PTPRD: variants seen among roughly 807,000 people sequenced by gnomAD.
PTPRD encodes protein tyrosine phosphatase receptor type D, also known as receptor-type tyrosine-protein phosphatase delta.
In PTPRD, 34 loss-of-function variants were observed where a neutral mutation model predicts 214.5. That is an observed-to-expected ratio of 0.16 (90% confidence interval 0.12 to 0.21). The LOEUF (loss-of-function observed/expected upper bound fraction) is 0.21, where lower values mean the gene tolerates loss of function less well. Among genes scored for constraint, PTPRD ranks in the 10% least tolerant of loss-of-function variants. The pLI, the probability that PTPRD is intolerant of heterozygous loss-of-function variation, is 1.00. For missense variants in PTPRD, 2,545 were observed against 2,398.7 expected (o/e 1.06, Z -1.27); for synonymous variants, 1,128 against 845.7 (o/e 1.33, Z -5.79).
intron 3 of PTPRD, among the ~76,000 whole-genome samples, chr9:10,069,165 C>A (rs1275254451): frequency 6.6e-6 from 1 of 152,094 alleles, no homozygotes; most frequent in African/African-American, 2.4e-5. Context: ...TTCCATCTAT[C>A]TGACAGGGAA....
chr9:10,032,176 T>A (rs2097094019), intron 4 of PTPRD, among the ~76,000 whole-genome samples: 1 of 152,156 alleles, frequency 6.6e-6, no homozygotes, highest in Non-Finnish European at 1.5e-5. Flanking sequence ...TTTTATAGAA[T>A]TGGTGGTTCA....
chr9:9,718,687 C>G (rs1043087828), intron 7 of PTPRD, among the ~76,000 whole-genome samples: 2 of 152,226 alleles, frequency 1.3e-5, no homozygotes, highest in Admixed American at 1.3e-4. Flanking sequence ...AATAGCTAAG[C>G]CCAGGTGCTG....
intron 5 of PTPRD, among the ~76,000 whole-genome samples, chr9:9,791,905 T>C (rs2098970144): frequency 6.6e-6 from 1 of 152,186 alleles, no homozygotes. Flanking sequence ...TATTTTAAAA[T>C]GCATCTTGAT....
chr9:8,772,361 T>G (rs1431494455), intron 11 of PTPRD, among the ~76,000 whole-genome samples: 1 of 146,724 alleles, frequency 6.8e-6, no homozygotes, highest in Non-Finnish European at 1.5e-5. Context: ...TGTCACTACT[T>G]ACTTTTTAAA....
At chr9:10,502,710 T>G (rs2044189073) in intron 2 of PTPRD, among the ~76,000 whole-genome samples, 1 of 152,084 alleles carries the variant, frequency 6.6e-6, no homozygotes, top group South Asian at 2.1e-4. Flanking sequence ...ATGTAAGCAT[T>G]TCAAAAATGT....
chr9:9,512,805 G>A (rs761303797), intron 8 of PTPRD, among the ~76,000 whole-genome samples: 1 of 150,612 alleles, frequency 6.6e-6, no homozygotes, highest in African/African-American at 2.4e-5. Context: ...TTAAACTTGG[G>A]TTTCTGGGCT....
intron 8 of PTPRD, among the ~76,000 whole-genome samples, chr9:9,413,291 T>G (rs1030765321): frequency 6.7e-6 from 1 of 148,612 alleles, no homozygotes; most frequent in Non-Finnish European, 1.5e-5. Flanking sequence ...ATTTTTTGTA[T>G]TTTTAGTAGA....
At chr9:10,476,835 C>A (rs529546585) in intron 2 of PTPRD, among the ~76,000 whole-genome samples, 1 of 152,210 alleles carries the variant, frequency 6.6e-6, no homozygotes, top group Non-Finnish European at 1.5e-5. Flanking sequence ...AATAACACCA[C>A]ACATCTACAA....
chr9:10,375,275 C>T (rs185308530), intron 2 of PTPRD, among the ~76,000 whole-genome samples: 2 of 152,084 alleles, frequency 1.3e-5, no homozygotes, highest in African/African-American at 2.4e-5. Flanking sequence ...ATACAGAATG[C>T]TTTGGGGGAT....
intron 3 of PTPRD, among the ~76,000 whole-genome samples, chr9:10,254,962 T>C (rs565478514): frequency 3.9e-5 from 6 of 152,352 alleles, no homozygotes; most frequent in African/African-American, 1.2e-4. Context: ...TTGCTTCTTA[T>C]GTGCTGTATA....
intron 5 of PTPRD, among the ~76,000 whole-genome samples, chr9:9,844,952 T>C (rs996472681): frequency 1.3e-5 from 2 of 150,834 alleles, no homozygotes; most frequent in Non-Finnish European, 3.0e-5. Flanking sequence ...GGACGGTCTA[T>C]TTTAAGTCTA....
At chr9:9,667,224 C>A (rs573309298) in intron 7 of PTPRD, among the ~76,000 whole-genome samples, 1 of 152,196 alleles carries the variant, frequency 6.6e-6, no homozygotes, top group African/African-American at 2.4e-5. Flanking sequence ...TACAGCAGTG[C>A]AATCATTTCC....
At chr9:9,982,590 C>A (rs926254463) in intron 4 of PTPRD, among the ~76,000 whole-genome samples, 1 of 151,456 alleles carries the variant, frequency 6.6e-6, no homozygotes, top group African/African-American at 2.4e-5. Context: ...AGGTAAGTTT[C>A]TTTCTTCCCT....
intron 9 of PTPRD, among the ~76,000 whole-genome samples, chr9:9,310,147 C>T (rs972885242): frequency 2.0e-5 from 3 of 152,082 alleles, no homozygotes; most frequent in African/African-American, 7.2e-5. Flanking sequence ...GCAGCAAGGT[C>T]ACATAGGTCG....
intron 9 of PTPRD, among the ~76,000 whole-genome samples, chr9:9,314,744 T>C (rs770095030): frequency 2.0e-5 from 3 of 152,060 alleles, no homozygotes; most frequent in Non-Finnish European, 4.4e-5. Context: ...TCGAAATGAA[T>C]GGTTTTTATT....
At chr9:9,975,530 G>C (rs2095320541) in intron 4 of PTPRD, among the ~76,000 whole-genome samples, 1 of 152,178 alleles carries the variant, frequency 6.6e-6, no homozygotes, top group Admixed American at 6.5e-5. Context: ...GAACTTATTA[G>C]GCATTCAGCG....
intron 11 of PTPRD, among the ~76,000 whole-genome samples, chr9:8,948,073 G>A (rs1393536721): frequency 6.8e-6 from 1 of 147,968 alleles, no homozygotes; most frequent in Non-Finnish European, 1.5e-5. Flanking sequence ...AGGCTGGAGT[G>A]CAGTGGTGTG....
chr9:9,444,820 C>G (rs2089778726), intron 8 of PTPRD, among the ~76,000 whole-genome samples: 1 of 152,046 alleles, frequency 6.6e-6, no homozygotes, highest in African/African-American at 2.4e-5. Context: ...CCCATGTAAG[C>G]AAATACTTGA....
chr9:9,967,380 A>G (rs943411742), intron 4 of PTPRD, among the ~76,000 whole-genome samples: 12 of 152,336 alleles, frequency 7.9e-5, no homozygotes, highest in African/African-American at 2.6e-4. Context: ...AGAGGAAAAT[A>G]GAGAAGGGTC....
Sources: gnomAD v4.1 joint callset for allele counts (sites outside exome capture counted in the v4.1 genomes callset) on GRCh38, gnomAD v4.1.1 for gene constraint, MANE v1.5 for transcripts, NCBI Gene and HGNC (gene_info 2026-07-23, HGNC 2026-07-21) for gene names.